Variants in BMPER observed in about 807,000 individuals in gnomAD.
BMPER encodes BMP-binding endothelial regulator protein.
A neutral mutation model predicts 87.3 loss-of-function variants in BMPER; 45 were observed. That is an observed-to-expected ratio of 0.52 (90% CI 0.41 to 0.66). The LOEUF is 0.66. BMPER is among the 30% of genes least tolerant of loss of function. The pLI is 0.00. For synonymous variants in BMPER, 326 were observed against 316.2 expected (o/e 1.03, Z -0.33); for missense variants, 784 against 867.5 (o/e 0.90, Z 1.21).
chr7:34,040,546 C>A (rs1313803460), intron 6 of BMPER, among the ~76,000 whole-genome samples: 1 of 151,838 alleles, frequency 6.6e-6, no homozygotes, highest in Non-Finnish European at 1.5e-5. Context: ...TTACAAGAGT[C>A]CTGTGGGTGA....
intron 7 of BMPER, 32 bp from the exon 8 acceptor site, chr7:34,051,829 C>G (rs758912948): frequency 1.3e-6 from 2 of 1,551,118 alleles, no homozygotes; most frequent in African/African-American, 1.4e-5. Context: ...CCGATTCTGT[C>G]TTACTTACAC....
intron 12 of BMPER, among the ~76,000 whole-genome samples, chr7:34,082,493 A>G (rs917708445): frequency 1.3e-5 from 2 of 152,160 alleles, no homozygotes; most frequent in Admixed American, 1.3e-4. Context: ...AAAGCCTAGC[A>G]TTGGTCTGTG....
At chr7:33,979,132 T>C (rs1489362213) in intron 6 of BMPER, among the ~76,000 whole-genome samples, 3 of 152,118 alleles carry the variant, frequency 2.0e-5, no homozygotes, top group Non-Finnish European at 1.5e-5. Context: ...TACATTCATA[T>C]ATTTGTGAAT....
At chr7:33,982,555 G>A (rs954713267) in intron 6 of BMPER, among the ~76,000 whole-genome samples, 3 of 152,030 alleles carry the variant, frequency 2.0e-5, no homozygotes, top group African/African-American at 7.2e-5. Context: ...CACTAGGAGG[G>A]GCCTTCAACT....
chr7:34,059,906 A>G (rs2127964342), intron 10 of BMPER, among the ~76,000 whole-genome samples: 1 of 152,070 alleles, frequency 6.6e-6, no homozygotes, highest in East Asian at 2.0e-4. Flanking sequence ...CCCATCCTGC[A>G]ACTCCCCCAG....
At chr7:34,112,617 A>G (rs1258925148) in intron 13 of BMPER, among the ~76,000 whole-genome samples, 1 of 152,086 alleles carries the variant, frequency 6.6e-6, no homozygotes, top group East Asian at 1.9e-4. Context: ...CTTATTTTAC[A>G]ACAATCAGGT....
At chr7:33,916,263 A>G (rs1023051475) in intron 2 of BMPER, among the ~76,000 whole-genome samples, 3 of 152,142 alleles carry the variant, frequency 2.0e-5, no homozygotes, top group Admixed American at 6.5e-5. Context: ...TTTTCTTTTC[A>G]AAGCTTCACC....
chr7:34,094,116 T>C (rs1011922506), intron 13 of BMPER, among the ~76,000 whole-genome samples: 25 of 152,202 alleles, frequency 1.6e-4, no homozygotes, highest in Non-Finnish European at 2.8e-4. Context: ...ACTCGGGTTT[T>C]CAAATATCCT....
intron 13 of BMPER, among the ~76,000 whole-genome samples, chr7:34,134,338 A>C (rs908398747): frequency 6.6e-6 from 1 of 152,182 alleles, no homozygotes; most frequent in Non-Finnish European, 1.5e-5. Flanking sequence ...ATGCTGGAGT[A>C]AGAATTATGG....
intron 6 of BMPER, among the ~76,000 whole-genome samples, chr7:33,983,019 C>T (rs776894630): frequency 4.1e-4 from 63 of 152,120 alleles, no homozygotes; most frequent in Non-Finnish European, 7.5e-4. Context: ...AGCTTCAAAT[C>T]ACATCTTGAA....
At chr7:34,109,630 C>T (rs1239203823) in intron 13 of BMPER, among the ~76,000 whole-genome samples, 1 of 152,182 alleles carries the variant, frequency 6.6e-6, no homozygotes, top group African/African-American at 2.4e-5. Flanking sequence ...GCTCAGTGAA[C>T]AGTTACTGAG....
At position 34,008,630 on chromosome 7, in the gene BMPER, T is replaced by C. The variant is rs140396883; in HGVS notation, c.576+33846T>C. Among the ~76,000 whole-genome samples, 892 of 152,082 alleles carry C rather than the reference T, an allele frequency of 5.9e-3. 8 individuals are homozygous for C. Among genetic ancestry groups the C allele is most frequent in the African/African-American group, 0.021 (856 of 41,528 alleles). On this transcript the variant is annotated intron_variant, in intron 6 of 14. Coordinates refer to ENST00000649409, the MANE Select transcript of BMPER (RefSeq NM_001365308.1). The stretch of plus-strand genomic sequence containing the variant: ...ATAGTAATTTTTCCTTCTACTGTTA[T>C]ACGTTTTAATTCTTGTAAAACTGCT...
intron 7 of BMPER, among the ~76,000 whole-genome samples, chr7:34,051,563 G>C (rs1187803486): frequency 1.3e-5 from 2 of 152,140 alleles, no homozygotes; most frequent in Non-Finnish European, 2.9e-5. Context: ...TCACTAGACT[G>C]TGAGCTCCAT....
intron 13 of BMPER, among the ~76,000 whole-genome samples, chr7:34,135,339 G>A (rs538335392): frequency 4.5e-4 from 68 of 152,170 alleles, no homozygotes; most frequent in Non-Finnish European, 9.0e-4. Flanking sequence ...GGCTGAGCAG[G>A]GGAGCGCAGG....
chr7:34,083,354 T>A (rs918290326), intron 12 of BMPER, among the ~76,000 whole-genome samples: 9 of 152,200 alleles, frequency 5.9e-5, no homozygotes, highest in African/African-American at 2.2e-4. Context: ...CTTCTCCTTA[T>A]CAAATTATTC....
intron 13 of BMPER, among the ~76,000 whole-genome samples, chr7:34,131,694 T>A (rs1401381706): frequency 6.6e-6 from 1 of 152,208 alleles, no homozygotes; most frequent in African/African-American, 2.4e-5. Context: ...TCCCAATTAC[T>A]GCACTCTCTG....
intron 10 of BMPER, among the ~76,000 whole-genome samples, chr7:34,059,555 C>G (rs1788377865): frequency 1.4e-5 from 2 of 146,982 alleles, no homozygotes; most frequent in African/African-American, 5.0e-5. Context: ...TTGTTGGTGC[C>G]CCTGCCAAGG....
chr7:34,113,814 G>A (rs1464291167), intron 13 of BMPER, among the ~76,000 whole-genome samples: 9 of 152,098 alleles, frequency 5.9e-5, no homozygotes, highest in Admixed American at 5.2e-4. Flanking sequence ...GTTTGGTGAG[G>A]GGTGTAATTA....
At chr7:34,141,554 G>A (rs1034375845) in intron 13 of BMPER, among the ~76,000 whole-genome samples, 3 of 139,270 alleles carry the variant, frequency 2.2e-5, no homozygotes, top group African/African-American at 8.0e-5. Flanking sequence ...AGGTTGTAGT[G>A]AGCTGAGATC....
Sources: allele counts gnomAD v4.1 joint callset (sites outside exome capture counted in the v4.1 genomes callset), GRCh38; gene constraint gnomAD v4.1.1; transcripts MANE v1.5; gene names NCBI Gene and HGNC (gene_info 2026-07-23, HGNC 2026-07-21).